Variants in KNL1 observed in about 807,000 individuals in gnomAD.
KNL1 encodes the protein kinetochore scaffold 1.
KNL1 carries 66 observed loss-of-function variants against 201.3 expected under a neutral mutation model. The observed-to-expected ratio is 0.33, with a 90% CI of 0.27 to 0.40. The LOEUF is 0.40. Among genes scored for constraint, KNL1 ranks in the 10% least tolerant of loss-of-function variants. The pLI is 1.00. For synonymous variants in KNL1, 895 were observed against 899.2 expected (o/e 1.00, Z 0.08); for missense variants, 2,815 against 2,690.5 (o/e 1.05, Z -1.02).
rs534033819 is a variant in KNL1 at position 40,603,319 on chromosome 15, C to T, written c.35+353C>T. On this transcript the variant is annotated intron_variant, in intron 2 of 25. Transcript: ENST00000399668. ...GATCTCATTGTTCAATTTCCACCTA[C>T]GAGTGAGAACATGCGGTGTTTGGTT... is the stretch of plus-strand genomic sequence containing the variant. 8.5e-5 allele frequency among the ~76,000 whole-genome samples: 13 copies of T among 152,280 alleles called. No homozygotes were observed. In the South Asian group the frequency reaches 1.0e-3, roughly 12 times the overall value.
intron 1 of KNL1, among the ~76,000 whole-genome samples, chr15:40,601,651 C>G (rs1891793977): frequency 6.6e-6 from 1 of 151,524 alleles, no homozygotes; most frequent in African/African-American, 2.4e-5. Flanking sequence ...AACCCCGTCT[C>G]TACTAAAAAT....
In KNL1 at chr15:40,623,195, A is replaced by G. The variant is rs764400276; in HGVS notation, c.2931A>G (p.Leu977=). 3 of 1,614,000 alleles carry G rather than the reference A, an allele frequency of 1.9e-6. No individual in the cohort carries two copies. Among genetic ancestry groups the G allele is most frequent in the South Asian group, 1.1e-5 (1 of 91,072 alleles). Residue 977 remains leucine (L), a synonymous_variant, in exon 10 of 26, where the codon CTA becomes CTG. Coordinates refer to ENST00000399668, the MANE Select transcript of KNL1 (RefSeq NM_144508.5). ...GAACAGACAGACCTAACTTTGAACT[A>G]TCCCAAAGGAAAAGCCTAGGAACAC... is the stretch of plus-strand genomic sequence containing the variant. ...KERTDRPNFE[L]SQRKSLGTPT... is the part of the protein sequence containing the mutation.
chr15:40,626,154 T>C (rs932564333), intron 10 of KNL1: 1 of 152,092 alleles, frequency 6.6e-6, no homozygotes, highest in African/African-American at 2.4e-5. Flanking sequence ...ATTTTATTTT[T>C]ATTTTATTTT....
chr15:40,625,305 A>G lies in KNL1; in HGVS notation c.5041A>G (p.Ile1681Val), dbSNP rs756808771. ...LEQIPADTTD[I>V]NHLETQPVSS... ...ACAGATTCCAGCAGACACAACTGAT[A>G]TAAATCACTTAGAAACTCAGCCGGT... Residue 1681 changes from isoleucine to valine, a missense_variant, in exon 10 of 26, where the codon ATA (isoleucine) becomes GTA (valine). By Grantham distance (29) the Ile-to-Val change is conservative. This residue lies in a region of KNL1 where 2,464 missense variants were observed against 2,291.7 expected (regional missense o/e 1.08). Transcript: ENST00000399668. 6.2e-7 allele frequency: 1 copy of G among 1,614,134 alleles called. No homozygotes were observed. The highest frequency in any genetic ancestry group is 8.5e-7 in the Non-Finnish European group (1 of 1,179,988).
intron 22 of KNL1, 110 bp from the exon 23 acceptor site, chr15:40,656,932 C>G (rs959670513): frequency 2.0e-6 from 1 of 505,830 alleles, no homozygotes; most frequent in South Asian, 4.3e-5. Flanking sequence ...ACTTATGTAC[C>G]TGGTAGTTTG....
In KNL1 at chr15:40,654,833, C is replaced by T. The variant is rs139945915; in HGVS notation, c.6416-76C>T. The T allele has an allele frequency of 6.6e-5, 71 of 1,077,964 alleles. No homozygotes were observed. The East Asian group carries it at 1.7e-3, about 25-fold the overall frequency. 66.8% of individuals were successfully genotyped at this position (1,077,964 alleles called of 1,614,324 possible). A position where few individuals can be genotyped will look rare whatever the true frequency, so the allele number is the denominator to read the frequency against. ...GCAGTGGGCCAAGACTGCGCCATTGCACTCCAGCCTGGGAGACAAAGTGAG... is the reference window on the plus strand; with the variant it reads ...GCAGTGGGCCAAGACTGCGCCATTGTACTCCAGCCTGGGAGACAAAGTGAG... On this transcript the variant is annotated intron_variant, in intron 21 of 25. Transcript: ENST00000399668.
chr15:40,637,463 G>A (rs543507908), intron 13 of KNL1, among the ~76,000 whole-genome samples: 24 of 151,914 alleles, frequency 1.6e-4, no homozygotes, highest in Non-Finnish European at 2.6e-4. Flanking sequence ...TTCATTAGAG[G>A]TTGTAAAGAA....
At chr15:40,639,397 C>T (rs1893153452) in intron 13 of KNL1, among the ~76,000 whole-genome samples, 1 of 151,394 alleles carries the variant, frequency 6.6e-6, no homozygotes, top group East Asian at 2.0e-4. Context: ...ACCAGCCTGG[C>T]CAACATGGTG....
chr15:40,602,321 A>G (rs1398080833), intron 1 of KNL1, among the ~76,000 whole-genome samples: 2 of 128,932 alleles, frequency 1.6e-5, no homozygotes, highest in South Asian at 2.5e-4. Context: ...TTTTTTCAGT[A>G]GAGACGGGGT....
chr15:40,624,465 A>C lies in KNL1; in HGVS notation c.4201A>C (p.Asn1401His). ...TAAGGATCCACGAAATCTATTGGCTAATCAAACTTTAGTATATAGTCAAGA... is the reference window on the plus strand; with the variant it reads ...TAAGGATCCACGAAATCTATTGGCTCATCAAACTTTAGTATATAGTCAAGA... Reference protein sequence around the residue: ...LIKDPRNLLANQTLVYSQDLG... With the variant: ...LIKDPRNLLAHQTLVYSQDLG... Residue 1401 changes from asparagine to histidine, a missense_variant, in exon 10 of 26, where the codon AAT (asparagine) becomes CAT (histidine). By Grantham distance (68) the Asn-to-His change is moderately conservative (BLOSUM62 1). Transcript: ENST00000399668. The C allele has an allele frequency of 6.2e-7, 1 of 1,613,832 alleles. No homozygotes were observed. The highest frequency in any genetic ancestry group is 8.5e-7 in the Non-Finnish European group (1 of 1,179,852).
intron 13 of KNL1, 35 bp from the exon 14 acceptor site, chr15:40,640,877 A>G: frequency 8.3e-7 from 1 of 1,210,600 alleles, no homozygotes. Flanking sequence ...TGTCTGCAAG[A>G]TACCAGTTCT....
rs764846107 is a variant in KNL1 at position 40,605,162 on chromosome 15, T to G, written c.75+13T>G. On this transcript the variant is annotated intron_variant, in intron 3 of 25. Coordinates refer to ENST00000399668, the MANE Select transcript of KNL1 (RefSeq NM_144508.5). ...ACGGCATTCTTCAGTAAGAAAGACT[T>G]TCTTGAATTAATAATTGTCAGCTTT... is the stretch of plus-strand genomic sequence containing the variant. The G allele has an allele frequency of 4.3e-6, 6 of 1,389,640 alleles. No homozygotes were observed. The East Asian group carries it at 1.4e-4, about 32-fold the overall frequency. 86.1% of individuals were successfully genotyped at this position (1,389,640 alleles called of 1,614,324 possible). A position where few individuals can be genotyped will look rare whatever the true frequency, so the allele number is the denominator to read the frequency against.
In KNL1 at chr15:40,622,570, C is replaced by A; in HGVS notation, c.2306C>A (p.Thr769Asn). 1 of 1,613,132 alleles carries A rather than the reference C, an allele frequency of 6.2e-7. No individual in the cohort carries two copies. Among genetic ancestry groups the A allele is most frequent in the South Asian group, 1.1e-5 (1 of 90,940 alleles). Residue 769 changes from threonine (T) to asparagine (N), a missense_variant, in exon 10 of 26, where the codon ACT (threonine) becomes AAT (asparagine). Around this residue, in one of 3 missense-constraint regions of KNL1, gnomAD observed 2,464 missense variants for 2,291.7 expected, o/e 1.08. Transcript: ENST00000399668. ...EQNMDLTKSHTVVIGFGPSEL... is the reference protein window; with the variant it reads ...EQNMDLTKSHNVVIGFGPSEL... ...AATATGGATCTAACAAAGAGCCACA[C>A]TGTCGTCATTGGATTTGGTCCTTCT...
In KNL1 at chr15:40,622,960, C is replaced by T; in HGVS notation, c.2696C>T (p.Ala899Val). 6.2e-7 allele frequency: 1 copy of T among 1,613,638 alleles called. No homozygotes were observed. Among genetic ancestry groups the T allele is most frequent in the Non-Finnish European group, 8.5e-7 (1 of 1,179,774 alleles). The change falls in exon 10 of 26, where the codon GCA becomes GTA. Residue 899 changes from alanine (A) to valine (V), a missense_variant. Physicochemically the swap from Ala to Val is moderately conservative, Grantham distance 64 (BLOSUM62 0). Coordinates refer to ENST00000399668, the MANE Select transcript of KNL1 (RefSeq NM_144508.5). Reference protein sequence around the residue: ...EKRDCHLVPLAGTSETILYTC... With the variant: ...EKRDCHLVPLVGTSETILYTC... ...CGTGATTGTCATTTGGTGCCATTGG[C>T]AGGAACTTCTGAAACTATTTTATAT...
Position 40,623,417 on chromosome 15 carries a change from T to G in KNL1, c.3153T>G (p.Pro1051=). 1 of 1,613,728 alleles carries G rather than the reference T, an allele frequency of 6.2e-7. No individual in the cohort carries two copies. Among genetic ancestry groups the G allele is most frequent in the Non-Finnish European group, 8.5e-7 (1 of 1,179,852 alleles). ...AAAACATCAAAGATGTACAAAGTCC[T>G]GGATTTCTGAATGAACCTCTATCAA... is the stretch of plus-strand genomic sequence containing the variant. ...TCKNIKDVQS[P]GFLNEPLSSK... Residue 1051 remains proline, a synonymous_variant, in exon 10 of 26, where the codon CCT becomes CCG. Transcript: ENST00000399668.
intron 4 of KNL1, among the ~76,000 whole-genome samples, chr15:40,607,081 G>A (rs1232551917): frequency 2.0e-5 from 3 of 152,136 alleles, no homozygotes; most frequent in African/African-American, 7.2e-5. Context: ...TTTGTTTTTA[G>A]TATAGACAGG....
chr15:40,621,714 A>C lies in KNL1; in HGVS notation c.1450A>C (p.Met484Leu). The change falls in exon 10 of 26, where the codon ATG (methionine) becomes CTG (leucine). Residue 484 changes from methionine to leucine, a missense_variant. Transcript: ENST00000399668. ...EKTIYSGEENMDITKSHTVAI... is the reference protein window; with the variant it reads ...EKTIYSGEENLDITKSHTVAI... ...AACTATTTATTCCGGAGAGGAGAAC[A>C]TGGACATTACCAAGAGTCATACAGT... 2 of 1,612,568 alleles carry C rather than the reference A, an allele frequency of 1.2e-6. 1 individual carries two copies. The highest frequency in any genetic ancestry group is 2.2e-5 in the South Asian group (2 of 91,040).
Position 40,623,701 on chromosome 15 carries a change from T to G in KNL1, c.3437T>G (p.Ile1146Arg). The G allele has an allele frequency of 6.2e-7, 1 of 1,613,910 alleles. No homozygotes were observed. The highest frequency in any genetic ancestry group is 8.5e-7 in the Non-Finnish European group (1 of 1,179,868). The change falls in exon 10 of 26, where the codon ATA (isoleucine) becomes AGA (arginine). Residue 1146 changes from isoleucine (I) to arginine (R), a missense_variant. This residue lies in a region of KNL1 where 2,464 missense variants were observed against 2,291.7 expected (regional missense o/e 1.08). Coordinates refer to ENST00000399668, the MANE Select transcript of KNL1 (RefSeq NM_144508.5). ...LECKTLLPNE[I>R]AIRPMDKTVL... The stretch of plus-strand genomic sequence containing the variant: ...TGTAAAACTCTCCTGCCAAATGAAA[T>G]AGCTATTAGGCCCATGGACAAAACC...
At position 40,628,171 on chromosome 15, in the gene KNL1, T is replaced by G; in HGVS notation, c.5478T>G (p.Asp1826Glu). The G allele has an allele frequency of 6.2e-7, 1 of 1,612,858 alleles. No individual in the cohort carries two copies. The highest frequency in any genetic ancestry group is 1.3e-5 in the African/African-American group (1 of 74,984). Residue 1826 changes from aspartate to glutamate, a missense_variant, in exon 11 of 26, where the codon GAT becomes GAG. Coordinates refer to ENST00000399668, the MANE Select transcript of KNL1 (RefSeq NM_144508.5). ...CATCTAGTTGCAGCAGCTCTCTGGA[T>G]TCAATCAAGGCTGATGGGACCTCTC... is the stretch of plus-strand genomic sequence containing the variant. Reference protein sequence around the residue: ...RTPSSCSSSLDSIKADGTSLD... With the variant: ...RTPSSCSSSLESIKADGTSLD...
Sources: allele counts gnomAD v4.1 joint callset (sites outside exome capture counted in the v4.1 genomes callset), GRCh38; gene constraint gnomAD v4.1.1; regional missense constraint gnomAD v4.1.1; transcripts MANE v1.5; gene names NCBI Gene and HGNC (gene_info 2026-07-23, HGNC 2026-07-21).